TRIM66: variants seen among roughly 807,000 people sequenced by gnomAD.
The protein encoded by TRIM66 is tripartite motif-containing protein 66.
A neutral mutation model predicts 148.2 loss-of-function variants in TRIM66; 99 were observed. That is an observed-to-expected ratio of 0.67 (90% confidence interval 0.57 to 0.79). The LOEUF is 0.79. TRIM66 is among the 30% of genes least tolerant of loss of function. TRIM66 has a pLI of 0.00. For missense variants in TRIM66, 1,666 were observed against 1,697.9 expected (o/e 0.98, Z 0.33); for synonymous variants, 616 against 635.9 (o/e 0.97, Z 0.47).
At chr11:8,660,693 T>G (rs900574226) in intron 6 of TRIM66, among the ~76,000 whole-genome samples, 2 of 152,202 alleles carry the variant, frequency 1.3e-5, no homozygotes, top group Non-Finnish European at 2.9e-5. Flanking sequence ...GCCTCACCCT[T>G]TGGAGTTTAA....
intron 4 of TRIM66, 68 bp downstream of exon 4, chr11:8,674,738 A>G (rs1266254230): frequency 1.3e-5 from 2 of 152,204 alleles, no homozygotes; most frequent in East Asian, 3.8e-4. Context: ...GAGAAGAGTC[A>G]CATTGTTTCT....
chr11:8,638,606 G>A (rs765588196), intron 15 of TRIM66, 48 bp downstream of exon 15: 2 of 1,530,150 alleles, frequency 1.3e-6, no homozygotes, highest in South Asian at 2.5e-5. Flanking sequence ...TGGGGTCTTG[G>A]CTGGCAGTGG....
At chr11:8,683,127 G>C (rs2039520897), upstream of TRIM66, 19 of 1,449,424 alleles carry the variant, frequency 1.3e-5, no homozygotes, top group Non-Finnish European at 1.5e-5. Flanking sequence ...CAGGCTTACA[G>C]GACCATCTCG....
intron 21 of TRIM66, 128 bp downstream of exon 21, chr11:8,620,318 G>T: frequency 7.0e-7 from 1 of 1,437,106 alleles, no homozygotes; most frequent in Non-Finnish European, 9.3e-7. Flanking sequence ...CCTGGGCCAA[G>T]TTGTCAGGCA....
chr11:8,622,995 G>A, intron 17 of TRIM66, 119 bp from the exon 18 acceptor site: 1 of 795,968 alleles, frequency 1.3e-6, no homozygotes, highest in South Asian at 1.6e-5. Flanking sequence ...TCATACAGTA[G>A]TTACCTACAC....
intron 15 of TRIM66, among the ~76,000 whole-genome samples, chr11:8,635,988 T>C (rs1188962860): frequency 6.6e-6 from 1 of 152,222 alleles, no homozygotes; most frequent in Non-Finnish European, 1.5e-5. Flanking sequence ...ATTATATCAA[T>C]GAGCAAATTA....
chr11:8,619,603 A>G, intron 22 of TRIM66, 68 bp from the exon 23 acceptor site: 1 of 1,382,028 alleles, frequency 7.2e-7, no homozygotes, highest in Non-Finnish European at 9.6e-7. Context: ...TGTGGATAAG[A>G]AGGAAGAAGA....
intron 20 of TRIM66, 124 bp downstream of exon 20, chr11:8,620,908 T>C: frequency 7.7e-7 from 1 of 1,295,132 alleles, no homozygotes; most frequent in Non-Finnish European, 1.0e-6. Flanking sequence ...AGACCTGCAA[T>C]TCAAGCAGGT....
At chr11:8,679,442 G>A (rs1236800140) in intron 3 of TRIM66, 178 bp downstream of exon 3, 1 of 152,562 alleles carries the variant, frequency 6.6e-6, no homozygotes, top group East Asian at 1.9e-4. Flanking sequence ...TCAGCCGCGT[G>A]ACCTGAGGGA....
At chr11:8,637,468 C>T (rs2035987151) in intron 15 of TRIM66, among the ~76,000 whole-genome samples, 1 of 152,104 alleles carries the variant, frequency 6.6e-6, no homozygotes, top group African/African-American at 2.4e-5. Context: ...GGCCTCTATG[C>T]CAAGTCATTT....
intron 3 of TRIM66, chr11:8,678,159 G>A (rs2039264851): frequency 6.6e-6 from 1 of 152,042 alleles, no homozygotes; most frequent in Non-Finnish European, 1.5e-5. Flanking sequence ...TCTCACTTCT[G>A]GGAATTTATC....
chr11:8,679,186 T>A (rs557454549), intron 3 of TRIM66: 1 of 152,378 alleles, frequency 6.6e-6, no homozygotes, highest in Admixed American at 6.5e-5. Flanking sequence ...CTCAGCTTTG[T>A]CTGCTCTCTC....
At chr11:8,643,979 T>A (rs2036628595) in intron 12 of TRIM66, among the ~76,000 whole-genome samples, 1 of 152,228 alleles carries the variant, frequency 6.6e-6, no homozygotes, top group South Asian at 2.1e-4. Context: ...TTCATTGATC[T>A]CTTGCATGGC....
chr11:8,618,906 C>CCGT lies in TRIM66; in HGVS notation c.3962_3963insACG (p.Lys1321_Glu1322insArg). The CCGT allele has an allele frequency of 6.5e-7, 1 of 1,549,428 alleles. No individual in the cohort carries two copies. Among genetic ancestry groups the CCGT allele is most frequent in the Non-Finnish European group, 8.7e-7 (1 of 1,146,318 alleles). Reference sequence around the variant, plus strand: ...CAAACCGTTTCTCCGGGTAGATCTCCTTCAACCAGCCCTCAAAGAACACTT... The same window carrying CCGT: ...CAAACCGTTTCTCCGGGTAGATCTCCCGTTTCAACCAGCCCTCAAAGAACACTT... On this transcript the variant is annotated inframe_insertion, in exon 24 of 25. Coordinates refer to ENST00000646038, the MANE Select transcript of TRIM66 (RefSeq NM_001388022.1).
rs753904777 is a variant in TRIM66 at position 8,620,477 on chromosome 11, G to A, written c.3641C>T (p.Ala1214Val). The A allele has an allele frequency of 6.4e-7, 1 of 1,551,782 alleles. No homozygotes were observed. Among genetic ancestry groups the A allele is most frequent in the South Asian group, 1.2e-5 (1 of 84,062 alleles). ...NACYNQPGMR[A>V]SPGLSMYDQK... ...GTCATACATGCTTAGGCCAGGAGAT[G>A]CCCGCATTCCAGGCTGGTTATAGCA... is the stretch of plus-strand genomic sequence containing the variant. Residue 1214 changes from alanine to valine, a missense_variant, in exon 21 of 25, where the codon GCA (alanine) becomes GTA (valine). Ala to Val is a moderately conservative substitution (Grantham distance 64). Coordinates refer to ENST00000646038, the MANE Select transcript of TRIM66 (RefSeq NM_001388022.1).
chr11:8,620,566 C>T lies in TRIM66; in HGVS notation c.3552G>A (p.Glu1184=). 6.4e-7 allele frequency: 1 copy of T among 1,551,736 alleles called. No individual in the cohort carries two copies. Among genetic ancestry groups the T allele is most frequent in the African/African-American group, 1.4e-5 (1 of 73,186 alleles). The stretch of plus-strand genomic sequence containing the variant: ...GGCTGCGGCACAAGGTACACACCCA[C>T]TCTCCCCTGCAGGGGCAGGTGAGGC... ...VPALLSFPGG[E]WVCTLCRSLT... is the part of the protein sequence containing the mutation. The change falls in exon 21 of 25, where the codon GAG becomes GAA. Residue 1184 remains glutamate, a synonymous_variant. Transcript: ENST00000646038.
At chr11:8,678,449 T>G (rs2039280088) in intron 3 of TRIM66, among the ~76,000 whole-genome samples, 1 of 152,218 alleles carries the variant, frequency 6.6e-6, no homozygotes, top group Non-Finnish European at 1.5e-5. Flanking sequence ...GACAGCTATG[T>G]CTCCATGTAT....
chr11:8,678,056 T>C (rs936308476), intron 3 of TRIM66: 1 of 152,208 alleles, frequency 6.6e-6, no homozygotes, highest in African/African-American at 2.4e-5. Context: ...ACTGTACATA[T>C]TGCTGGTGAA....
chr11:8,657,191 G>A (rs1468654314), intron 6 of TRIM66, among the ~76,000 whole-genome samples: 4 of 152,210 alleles, frequency 2.6e-5, no homozygotes, highest in Admixed American at 2.6e-4. Context: ...TATCGGGTCA[G>A]CTTAGGCCAC....
Sources: gnomAD v4.1 joint callset for allele counts (sites outside exome capture counted in the v4.1 genomes callset) on GRCh38, gnomAD v4.1.1 for gene constraint, MANE v1.5 for transcripts, NCBI Gene and HGNC (gene_info 2026-07-23, HGNC 2026-07-21) for gene names.